The following CHMP6 variants were observed in gnomAD, a reference collection of about 807,000 sequenced individuals.
CHMP6 encodes chromatin-modifying protein 6.
Under a neutral mutation model 32.8 loss-of-function variants are expected in CHMP6, and 10 were observed. The observed-to-expected ratio is 0.30, with a 90% CI of 0.19 to 0.52. The LOEUF (loss-of-function observed/expected upper bound fraction) is 0.52, where lower values mean the gene tolerates loss of function less well. CHMP6 is among the 20% of genes least tolerant of loss of function. The pLI, the probability that CHMP6 is intolerant of heterozygous loss-of-function variation, is 0.97. For synonymous variants in CHMP6, 123 were observed against 105.8 expected, an observed-to-expected ratio of 1.16 and a Z score of -1.00; for missense variants, 269 against 263.8, an observed-to-expected ratio of 1.02 and a Z score of -0.14.
At position 80,999,329 on chromosome 17, in the gene CHMP6, T is replaced by G. The variant is rs943305563; in HGVS notation, c.*176T>G. 1 of 638,526 alleles carries G rather than the reference T, an allele frequency of 1.6e-6. No individual in the cohort carries two copies. The highest frequency in any genetic ancestry group is 1.8e-5 in the African/African-American group (1 of 54,630). 39.6% of individuals were successfully genotyped at this position (638,526 alleles called of 1,614,324 possible). A position where few individuals can be genotyped will look rare whatever the true frequency, so the allele number is the denominator to read the frequency against. On this transcript the variant is annotated 3_prime_UTR_variant, in exon 8 of 8. Coordinates refer to ENST00000325167, the MANE Select transcript of CHMP6 (RefSeq NM_024591.5). ...GACTCCAGAGCGTCTCCTGGAGACC[T>G]TGAGCCTGAACGCACTCAGGCGCCA...
At chr17:80,994,443 A>G in intron 1 of CHMP6, 138 bp from the exon 2 acceptor site, 2 of 627,730 alleles carry the variant, frequency 3.2e-6, no homozygotes, top group Non-Finnish European at 5.3e-6. Context: ...AGACAGCACC[A>G]CCTGTCCCCT....
At chr17:80,998,991 C>A in intron 7 of CHMP6, 107 bp from the exon 8 acceptor site, 1 of 1,317,380 alleles carries the variant, frequency 7.6e-7, no homozygotes, top group Non-Finnish European at 1.1e-6. Context: ...TTCCCTAGTG[C>A]GAAGTCCCCG....
chr17:80,994,482 C>T (rs1418842788), intron 1 of CHMP6, 99 bp from the exon 2 acceptor site: 7 of 1,060,834 alleles, frequency 6.6e-6, no homozygotes, highest in Non-Finnish European at 9.4e-6. Context: ...ATGAAGGACA[C>T]TCACGGAGGG....
chr17:80,993,558 G>A (rs1041786503), intron 1 of CHMP6, among the ~76,000 whole-genome samples: 1 of 152,226 alleles, frequency 6.6e-6, no homozygotes, highest in East Asian at 1.9e-4. Flanking sequence ...AGGCACACAG[G>A]CCCTGACTGA....
intron 5 of CHMP6, 84 bp downstream of exon 5, chr17:80,997,156 A>G: frequency 6.2e-7 from 1 of 1,601,374 alleles, no homozygotes; most frequent in Non-Finnish European, 8.5e-7. Context: ...CACATCCTAG[A>G]GCGGCCGCCT....
rs766706473 is a variant in CHMP6 at position 80,991,888 on chromosome 17, G to C, written c.-31G>C. 23 of 1,407,616 alleles carry C rather than the reference G, an allele frequency of 1.6e-5. No homozygotes were observed. The highest frequency in any genetic ancestry group is 2.4e-4 in the Middle Eastern group (1 of 4,236). 87.2% of individuals were successfully genotyped at this position (1,407,616 alleles called of 1,614,324 possible). On this transcript the variant is annotated 5_prime_UTR_variant, in exon 1 of 8. Coordinates refer to ENST00000325167, the MANE Select transcript of CHMP6 (RefSeq NM_024591.5). ...CGGGGCGGCGGTGGCGATTGGACTT[G>C]GTGGGTCCCGGGCCAGGGGCGGGCG...
intron 6 of CHMP6, among the ~76,000 whole-genome samples, chr17:80,997,664 A>G (rs73359595): frequency 6.6e-6 from 1 of 151,898 alleles, no homozygotes; most frequent in African/African-American, 2.4e-5. Context: ...CACGTCCCAC[A>G]TAGGCCCTCG....
intron 1 of CHMP6, among the ~76,000 whole-genome samples, chr17:80,993,300 G>A (rs1373220345): frequency 6.6e-6 from 1 of 151,930 alleles, no homozygotes; most frequent in Non-Finnish European, 1.5e-5. Flanking sequence ...GATAACAGGT[G>A]TTCCCCACGT....
intron 7 of CHMP6, 24 bp downstream of exon 7, chr17:80,998,444 G>A: frequency 1.2e-6 from 2 of 1,614,098 alleles, no homozygotes; most frequent in Non-Finnish European, 1.7e-6. Flanking sequence ...TGATTCTTTT[G>A]AATGGTTGGA....
At chr17:80,996,597 A>C (rs1428758168) in intron 4 of CHMP6, among the ~76,000 whole-genome samples, 1 of 152,186 alleles carries the variant, frequency 6.6e-6, no homozygotes, top group African/African-American at 2.4e-5. Context: ...AAAAGAAATC[A>C]AGTCACCTGC....
rs900700150 is a variant in CHMP6, at chr17:80,995,831, G to C, written c.348+73G>C. On this transcript the variant is annotated intron_variant, in intron 4 of 7. Transcript: ENST00000325167. ...GGCTGGAGCTGGGGATAGGGCGGGG[G>C]GCTTGTCCCACGGTGTTCGTGTCAG... 4.5e-5 allele frequency: 63 copies of C among 1,393,930 alleles called. No homozygotes were observed. The South Asian group carries it at 7.1e-4, about 16-fold the overall frequency. The allele number at this position is 1,393,930 out of a possible 1,614,324, so 86.3% of individuals were successfully genotyped here.
intron 4 of CHMP6, 83 bp from the exon 5 acceptor site, chr17:80,996,924 G>T: frequency 7.6e-7 from 1 of 1,323,902 alleles, no homozygotes; most frequent in East Asian, 2.3e-5. Context: ...TGAGGCCATG[G>T]CCCTGAGAGC....
At chr17:80,996,962 A>G (rs1231498866) in intron 4 of CHMP6, 45 bp from the exon 5 acceptor site, 2 of 1,584,026 alleles carry the variant, frequency 1.3e-6, no homozygotes, top group South Asian at 1.1e-5. Flanking sequence ...GGGGTCTACC[A>G]TTGGCCTCGC....
At chr17:80,997,203 C>G (rs1289459707) in intron 5 of CHMP6, 58 bp from the exon 6 acceptor site, 4 of 1,607,460 alleles carry the variant, frequency 2.5e-6, no homozygotes, top group Non-Finnish European at 3.4e-6. Context: ...CAGGCCATCT[C>G]CTTCCTCCCT....
chr17:80,993,224 G>A (rs949759076), intron 1 of CHMP6, among the ~76,000 whole-genome samples: 1 of 152,040 alleles, frequency 6.6e-6, no homozygotes, highest in Non-Finnish European at 1.5e-5. Context: ...GATTTTGGGT[G>A]CTTGGGAACA....
At chr17:80,993,191 C>T (rs1598438255) in intron 1 of CHMP6, among the ~76,000 whole-genome samples, 3 of 152,194 alleles carry the variant, frequency 2.0e-5, no homozygotes, top group Admixed American at 2.0e-4. Flanking sequence ...ACCCGTGTTG[C>T]GGGCTGCCGT....
At position 80,997,118 on chromosome 17, in the gene CHMP6, A is replaced by G. The variant is rs750750575; in HGVS notation, c.414+46A>G. 11 of 1,609,288 alleles carry G rather than the reference A, an allele frequency of 6.8e-6. No homozygotes were observed. The Admixed American group carries it at 1.8e-4, about 27-fold the overall frequency. ...CCTGCCCCCAACTGTGAGAACCCAC[A>G]AGGCCACCCTCGAGGGCCAAACTGT... On this transcript the variant is annotated intron_variant, in intron 5 of 7. Transcript: ENST00000325167.
chr17:80,994,781 C>T (rs1292880016), intron 2 of CHMP6, 91 bp downstream of exon 2: 3 of 290,454 alleles, frequency 1.0e-5, no homozygotes, highest in East Asian at 5.6e-5. Context: ...GTGGGGGGCC[C>T]GGGCAGCGTG....
chr17:80,995,199 G>A (rs2069626889), intron 3 of CHMP6, 93 bp downstream of exon 3: 1 of 1,266,712 alleles, frequency 7.9e-7, no homozygotes, highest in Non-Finnish European at 1.1e-6. Flanking sequence ...CCCGAGAGCT[G>A]AAAGCTCCTC....
Sources: allele counts gnomAD v4.1 joint callset (sites outside exome capture counted in the v4.1 genomes callset), GRCh38; gene constraint gnomAD v4.1.1; transcripts MANE v1.5; gene names NCBI Gene and HGNC (gene_info 2026-07-23, HGNC 2026-07-21).